Variants in ARHGAP6 observed in about 807,000 individuals in gnomAD.
ARHGAP6 encodes the protein rho GTPase-activating protein 6.
ARHGAP6 carries 16 observed loss-of-function variants against 55.7 expected under a neutral mutation model. The ratio of observed to expected loss-of-function variants is 0.29; its 90% CI spans 0.19 to 0.44. The LOEUF is 0.44. ARHGAP6 is among the 20% of genes least tolerant of loss of function. The pLI is 1.00. For missense variants in ARHGAP6, 698 were observed against 808.9 expected (o/e 0.86, Z 1.66); for synonymous variants, 382 against 360.9 (o/e 1.06, Z -0.66).
intron 1 of ARHGAP6, among the ~76,000 whole-genome samples, chrX:11,408,923 A>G (rs750128820): frequency 2.7e-5 from 3 of 110,001 alleles, no homozygotes; most frequent in Non-Finnish European, 5.7e-5. Flanking sequence ...ACACACACAC[A>G]CACGCACACA....
chrX:11,262,031 CAATT>C (rs1168823348), intron 1 of ARHGAP6, among the ~76,000 whole-genome samples: 3 of 111,816 alleles, frequency 2.7e-5, no homozygotes, highest in Non-Finnish European at 1.9e-5. Context: ...GAAATATTAA[CAATT>C]ATTTATATAT....
intron 1 of ARHGAP6, among the ~76,000 whole-genome samples, chrX:11,647,492 T>C (rs1003289600): frequency 1.8e-5 from 2 of 111,620 alleles, no homozygotes; most frequent in Non-Finnish European, 1.9e-5. Flanking sequence ...GAGCTTCCCA[T>C]GTAATGGAAA....
chrX:11,266,692 A>T (rs990341139), intron 1 of ARHGAP6, among the ~76,000 whole-genome samples: 1 of 111,924 alleles, frequency 8.9e-6, no homozygotes, highest in African/African-American at 3.3e-5. Flanking sequence ...TCCACATGGC[A>T]CTGAACCAAA....
chrX:11,463,078 C>G (rs1243510659), intron 1 of ARHGAP6, among the ~76,000 whole-genome samples: 1 of 112,246 alleles, frequency 8.9e-6, no homozygotes, highest in African/African-American at 3.2e-5. Flanking sequence ...GTGGATTTCT[C>G]TCTTTCTGCA....
chrX:11,529,165 G>T (rs2051021925), intron 1 of ARHGAP6, among the ~76,000 whole-genome samples: 1 of 111,606 alleles, frequency 9.0e-6, no homozygotes, highest in African/African-American at 3.3e-5. Flanking sequence ...ATAAATGCCA[G>T]CTATCAGCAC....
chrX:11,292,064 T>C (rs2048003519), intron 1 of ARHGAP6, among the ~76,000 whole-genome samples: 1 of 112,046 alleles, frequency 8.9e-6, no homozygotes, highest in South Asian at 3.7e-4. Context: ...TTCCCTGAGC[T>C]AGGTTCTGTT....
intron 1 of ARHGAP6, among the ~76,000 whole-genome samples, chrX:11,462,267 G>T (rs1264462629): frequency 8.9e-6 from 1 of 111,754 alleles, no homozygotes; most frequent in East Asian, 2.8e-4. Flanking sequence ...AAGGCCACAA[G>T]TTGTGACCTG....
chrX:11,495,783 A>C (rs1338566311), intron 1 of ARHGAP6, among the ~76,000 whole-genome samples: 2 of 112,490 alleles, frequency 1.8e-5, no homozygotes, highest in African/African-American at 3.2e-5. Context: ...CCTTCTAACA[A>C]ATAGAATATG....
intron 5 of ARHGAP6, among the ~76,000 whole-genome samples, chrX:11,185,457 A>G (rs1329355679): frequency 8.9e-6 from 1 of 111,980 alleles, no homozygotes; most frequent in Admixed American, 9.5e-5. Context: ...AGTTATATCT[A>G]TATGGTAGCC....
At chrX:11,333,750 G>A (rs762663928) in intron 1 of ARHGAP6, among the ~76,000 whole-genome samples, 2 of 112,171 alleles carry the variant, frequency 1.8e-5, no homozygotes, top group Non-Finnish European at 3.8e-5. Context: ...CTGCGATATG[G>A]TCTGTTGATA....
intron 1 of ARHGAP6, among the ~76,000 whole-genome samples, chrX:11,590,869 G>GGAAGGAAA (rs2051813946): frequency 1.7e-4 from 4 of 24,223 alleles, no homozygotes; most frequent in African/African-American, 6.4e-4. Flanking sequence ...AAGAAAAGAA[G>GGAAGGAAA]GAAAGAAAGA....
chrX:11,148,818 G>A (rs941546864), intron 10 of ARHGAP6: 7 of 288,588 alleles, frequency 2.4e-5, no homozygotes, highest in Non-Finnish European at 4.0e-5. Context: ...GGTTTCAAAT[G>A]TGTGTTGGCT....
chrX:11,186,046 C>G (rs2046382550), intron 5 of ARHGAP6, among the ~76,000 whole-genome samples, 190 bp downstream of exon 5: 1 of 111,508 alleles, frequency 9.0e-6, no homozygotes, highest in African/African-American at 3.3e-5. Context: ...CAAGTTGATT[C>G]ACCCTCTTCT....
intron 1 of ARHGAP6, among the ~76,000 whole-genome samples, chrX:11,276,933 G>A (rs2047776904): frequency 9.0e-6 from 1 of 111,357 alleles, no homozygotes; most frequent in Non-Finnish European, 1.9e-5. Flanking sequence ...ATAGTTCTGT[G>A]TTTCTTTTTA....
At position 11,656,769 on chromosome X, in the gene ARHGAP6, A is replaced by G. The variant is rs756052501; in HGVS notation, c.588+7472T>C. On this transcript the variant is annotated intron_variant, in intron 1 of 12. Coordinates refer to ENST00000337414, the MANE Select transcript of ARHGAP6 (RefSeq NM_013427.3). ...ATTGGCCCCACCCAGACAATCCACG[A>G]TAATCTCGCATCTGCAAAATCCTCT... Among the ~76,000 whole-genome samples the G allele has an allele frequency of 2.7e-5, 3 of 111,863 alleles. No individual in the cohort carries two copies. In the South Asian group the frequency reaches 1.1e-3, roughly 43 times the overall value.
intron 1 of ARHGAP6, among the ~76,000 whole-genome samples, chrX:11,576,304 C>T (rs2051597574): frequency 8.9e-6 from 1 of 111,914 alleles, no homozygotes; most frequent in Non-Finnish European, 1.9e-5. Context: ...ATTTTATACA[C>T]CATTGTGTAT....
chrX:11,509,543 T>C (rs1367367458), intron 1 of ARHGAP6, among the ~76,000 whole-genome samples: 1 of 112,019 alleles, frequency 8.9e-6, no homozygotes, highest in Admixed American at 9.5e-5. Flanking sequence ...GTGACCCTCC[T>C]AGCCTATCAG....
At chrX:11,182,453 A>G (rs1411694263) in intron 5 of ARHGAP6, among the ~76,000 whole-genome samples, 1 of 111,361 alleles carries the variant, frequency 9.0e-6, no homozygotes, top group Non-Finnish European at 1.9e-5. Flanking sequence ...AGGGATTCTA[A>G]CTCTTTATTA....
At chrX:11,354,462 A>C (rs2048909554) in intron 1 of ARHGAP6, among the ~76,000 whole-genome samples, 1 of 105,947 alleles carries the variant, frequency 9.4e-6, no homozygotes, top group African/African-American at 3.5e-5. Flanking sequence ...CTGATTATAA[A>C]ATTTTAGTTA....
Sources: allele counts gnomAD v4.1 joint callset (sites outside exome capture counted in the v4.1 genomes callset), GRCh38; gene constraint gnomAD v4.1.1; transcripts MANE v1.5; gene names NCBI Gene and HGNC (gene_info 2026-07-23, HGNC 2026-07-21).